Variants in XKR9 observed in about 807,000 individuals in gnomAD.
XKR9 encodes XK-related protein 9.
A neutral mutation model predicts 32.0 loss-of-function variants in XKR9; 32 were observed. The observed-to-expected ratio is 1.00, with a 90% CI of 0.76 to 1.34. The LOEUF (loss-of-function observed/expected upper bound fraction) is 1.34, where lower values mean the gene tolerates loss of function less well. XKR9 is among the 40% of genes most tolerant of loss of function. The pLI, the probability that XKR9 is intolerant of heterozygous loss-of-function variation, is 0.00. For synonymous variants in XKR9, 168 were observed against 143.4 expected (o/e 1.17, Z -1.22); for missense variants, 546 against 429.7 (o/e 1.27, Z -2.39).
intron 3 of XKR9, among the ~76,000 whole-genome samples, chr8:70,688,707 T>A (rs6987007): frequency 6.7e-6 from 1 of 149,992 alleles, no homozygotes; most frequent in African/African-American, 2.4e-5. Context: ...TTAGCCACTG[T>A]GCCTGTCCTT....
the XKR9 span, among the ~76,000 whole-genome samples, chr8:70,985,980 C>T: frequency 2.0e-5 from 3 of 152,024 alleles, no homozygotes. Context: ...CAAAAGATTA[C>T]AGAGGGCAAG....
chr8:70,866,459 A>T, the XKR9 span, among the ~76,000 whole-genome samples: 5 of 152,208 alleles, frequency 3.3e-5, no homozygotes, highest in African/African-American at 1.2e-4. Context: ...TATAATATGT[A>T]GGGTGGGGCC....
the XKR9 span, among the ~76,000 whole-genome samples, chr8:71,027,469 T>A: frequency 1.4e-5 from 2 of 143,874 alleles, no homozygotes; most frequent in African/African-American, 5.0e-5. Context: ...ATATATAAAA[T>A]ATATTTTAAT....
chr8:70,849,613 A>G, the XKR9 span, among the ~76,000 whole-genome samples: 1 of 152,200 alleles, frequency 6.6e-6, no homozygotes, highest in African/African-American at 2.4e-5. Flanking sequence ...AATAAGTAAG[A>G]GCAGAGCAGA....
chr8:70,814,194 C>T, the XKR9 span, among the ~76,000 whole-genome samples: 1 of 151,314 alleles, frequency 6.6e-6, no homozygotes. Context: ...ATCGCAAGGA[C>T]AAAAAACCAA....
chr8:70,734,156 G>GTC lies in XKR9; in HGVS notation c.855_856dup (p.Pro286LeufsTer18). 6.2e-7 allele frequency: 1 copy of GTC among 1,612,598 alleles called. No homozygotes were observed. Among genetic ancestry groups the GTC allele is most frequent in the Non-Finnish European group, 8.5e-7 (1 of 1,178,942 alleles). On this transcript the variant is annotated frameshift_variant, in exon 5 of 5. Coordinates refer to ENST00000408926, the MANE Select transcript of XKR9 (RefSeq NM_001011720.2). LOFTEE classifies it high-confidence loss of function. ...AATATTAAGGGACAGAATACCAAGT[G>GTC]TCCAATGTCTTGTTATTATATTGTT... is the stretch of plus-strand genomic sequence containing the variant.
the XKR9 span, among the ~76,000 whole-genome samples, chr8:70,925,329 A>G: frequency 6.6e-6 from 1 of 152,198 alleles, no homozygotes; most frequent in Admixed American, 6.5e-5. Flanking sequence ...TGAATAAAGA[A>G]CGAATAGATG....
rs368390425 is a variant in XKR9 at position 70,772,408 on chromosome 8, G to A, written n.353-16931G>A. Among the ~76,000 whole-genome samples the A allele has an allele frequency of 2.8e-4, 42 of 152,296 alleles. No individual in the cohort carries two copies. In the South Asian group the frequency reaches 8.7e-3, roughly 32 times the overall value. On this transcript the variant is annotated intron_variant and non_coding_transcript_variant, in intron 2 of 3. Coordinates refer to the XKR9 transcript ENST00000520273. ...AGCCTAAAGATTTGAATTTCCATTT[G>A]TGTTGACCCTACAGTGATTTTGAAC...
the XKR9 span, among the ~76,000 whole-genome samples, chr8:70,802,032 G>A: frequency 4.0e-5 from 6 of 151,516 alleles, no homozygotes; most frequent in Admixed American, 6.6e-5. Context: ...CGCCTCCCAG[G>A]TTCACGCCAT....
In XKR9 at chr8:70,733,822, G is replaced by T; in HGVS notation, c.520G>T (p.Ala174Ser). 1 of 1,588,284 alleles carries T rather than the reference G, an allele frequency of 6.3e-7. No homozygotes were observed. ...TGCGGCCATCATGGTCTCTTGCTGT[G>T]CTATTTCTTGGTCAACTGTTGATTA... ...QYAAIMVSCC[A>S]ISWSTVDYQV... Residue 174 changes from alanine to serine, a missense_variant, in exon 5 of 5, where the codon GCT (alanine) becomes TCT (serine). Transcript: ENST00000408926.
At chr8:70,995,623 T>C in the XKR9 span, among the ~76,000 whole-genome samples, 1 of 152,210 alleles carries the variant, frequency 6.6e-6, no homozygotes, top group South Asian at 2.1e-4. Flanking sequence ...TATGTTGTTA[T>C]GGGAATTTTG....
chr8:70,932,979 G>A, the XKR9 span, among the ~76,000 whole-genome samples: 1 of 152,130 alleles, frequency 6.6e-6, no homozygotes, highest in Non-Finnish European at 1.5e-5. Flanking sequence ...GTGAAAGTGA[G>A]TTATTTTTAT....
the XKR9 span, among the ~76,000 whole-genome samples, chr8:70,924,560 G>A: frequency 7.2e-5 from 11 of 152,052 alleles, no homozygotes; most frequent in Non-Finnish European, 1.3e-4. Context: ...CAAACGTGCC[G>A]AAGCCACCAT....
At chr8:70,886,312 C>A in the XKR9 span, among the ~76,000 whole-genome samples, 1 of 152,108 alleles carries the variant, frequency 6.6e-6, no homozygotes, top group Non-Finnish European at 1.5e-5. Flanking sequence ...TGGGTTGATT[C>A]CAAGTCTTTG....
At chr8:71,018,111 CT>C in the XKR9 span, among the ~76,000 whole-genome samples, 2 of 152,104 alleles carry the variant, frequency 1.3e-5, no homozygotes, top group African/African-American at 4.8e-5. Context: ...TCTTATGTCA[CT>C]TTCTTGTATC....
chr8:70,898,006 T>A, the XKR9 span, among the ~76,000 whole-genome samples: 25 of 152,212 alleles, frequency 1.6e-4, no homozygotes, highest in Non-Finnish European at 3.1e-4. Flanking sequence ...TCCTGAAGCT[T>A]TTCCCCAATG....
intron 2 of XKR9, among the ~76,000 whole-genome samples, chr8:70,771,166 G>A (rs1347081494): frequency 2.6e-5 from 4 of 152,096 alleles, no homozygotes; most frequent in African/African-American, 4.8e-5. Flanking sequence ...GCTAGGGGAC[G>A]GAGTTCCCTG....
At chr8:70,732,631 A>T (rs1806709880) in intron 4 of XKR9, among the ~76,000 whole-genome samples, 1 of 152,234 alleles carries the variant, frequency 6.6e-6, no homozygotes, top group Non-Finnish European at 1.5e-5. Context: ...AGAGTAATTT[A>T]TGCAGAGCCT....
rs1563437781 is a variant in XKR9 at position 70,707,131 on chromosome 8, T to C, written c.471T>C (p.His157=). The part of the protein sequence containing the change: ...LILQLYILLE[H]GQANFSQYAA... ...TTCAACTCTACATTCTTCTGGAGCA[T>C]GGACAAGCGAATTTCAGTCAGTGTA... The change falls in exon 4 of 5, where the codon CAT becomes CAC. Residue 157 remains histidine, a synonymous_variant. Transcript: ENST00000408926. 1.9e-6 allele frequency: 3 copies of C among 1,612,750 alleles called. No homozygotes were observed. The highest frequency in any genetic ancestry group is 1.7e-5 in the Admixed American group (1 of 59,956).
Sources: gnomAD v4.1 joint callset for allele counts (sites outside exome capture counted in the v4.1 genomes callset) on GRCh38, gnomAD v4.1.1 for gene constraint, MANE v1.5 for transcripts, NCBI Gene and HGNC (gene_info 2026-07-23, HGNC 2026-07-21) for gene names.